Variants in HLCS observed in about 807,000 individuals in gnomAD.
The protein encoded by HLCS is biotin--protein ligase.
In HLCS, 53 loss-of-function variants were observed where a neutral mutation model predicts 75.0. That is an observed-to-expected ratio of 0.71 (90% confidence interval 0.57 to 0.89). The LOEUF (loss-of-function observed/expected upper bound fraction) is 0.89. Ranked by LOEUF, HLCS falls within the 40% of genes least tolerant of loss-of-function variation. HLCS has a pLI of 0.00. For synonymous variants in HLCS, 431 were observed against 428.6 expected (o/e 1.01, Z -0.07); for missense variants, 966 against 1,074.0 (o/e 0.90, Z 1.41).
At chr21:36,947,447 C>T (rs2067458948) in intron 2 of HLCS, 2 of 985,254 alleles carry the variant, frequency 2.0e-6, no homozygotes, top group Non-Finnish European at 1.2e-6. Context: ...ACTGATACGT[C>T]GTCCAGGGTG....
At chr21:36,924,297 T>C (rs2850119) in intron 5 of HLCS, among the ~76,000 whole-genome samples, 142,744 of 152,302 alleles carry the variant, frequency 0.94, 66,992 homozygotes, top group East Asian at 1. Flanking sequence ...CAGTGGCTCA[T>C]GCCTGTAATC....
Position 36,983,071 on chromosome 21 carries a change from G to C in HLCS, c.-393+7087C>G, listed in dbSNP as rs969060542. 3.9e-5 allele frequency among the ~76,000 whole-genome samples: 6 copies of C among 152,200 alleles called. No homozygotes were observed. In the South Asian group the frequency reaches 1.2e-3, roughly 32 times the overall value. On this transcript the variant is annotated intron_variant, in intron 1 of 11. Coordinates refer to the HLCS transcript ENST00000336648. The stretch of plus-strand genomic sequence containing the variant: ...AAAACAAAAACAAAAAAACTCTGGC[G>C]TAAGCATGGTGTGGAGAGTGTCTGC...
At chr21:36,909,419 T>C (rs1356525833) in intron 5 of HLCS, among the ~76,000 whole-genome samples, 1 of 152,176 alleles carries the variant, frequency 6.6e-6, no homozygotes, top group Non-Finnish European at 1.5e-5. Flanking sequence ...GACTCCATAT[T>C]CACTAACGTC....
At chr21:36,955,523 A>G (rs1164053781) in intron 2 of HLCS, among the ~76,000 whole-genome samples, 1 of 124,938 alleles carries the variant, frequency 8.0e-6, no homozygotes, top group African/African-American at 2.9e-5. Flanking sequence ...AGCTTTTAGA[A>G]TAAGGATAGA....
At chr21:36,879,340 C>T (rs922341981) in intron 6 of HLCS, among the ~76,000 whole-genome samples, 4 of 152,088 alleles carry the variant, frequency 2.6e-5, no homozygotes, top group African/African-American at 9.7e-5. Flanking sequence ...AGGAAATCAC[C>T]AGCAATGACA....
At chr21:36,887,629 G>C (rs971852663) in intron 6 of HLCS, among the ~76,000 whole-genome samples, 2 of 152,192 alleles carry the variant, frequency 1.3e-5, no homozygotes, top group Non-Finnish European at 2.9e-5. Context: ...CGTTGCCAAA[G>C]TCAAAGGCCA....
At chr21:36,908,085 GA>G (rs955637242) in intron 5 of HLCS, among the ~76,000 whole-genome samples, 26 of 140,886 alleles carry the variant, frequency 1.8e-4, no homozygotes, top group Admixed American at 4.9e-4. Context: ...AAAAGAAAAA[GA>G]AAAAAAAAAA....
At chr21:36,848,269 TTG>T (rs2062865162) in intron 6 of HLCS, among the ~76,000 whole-genome samples, 2 of 134,298 alleles carry the variant, frequency 1.5e-5, no homozygotes, top group African/African-American at 3.0e-5. Context: ...CACATAATTG[TTG>T]TTTTTTTTTT....
chr21:36,774,461 T>C (rs762073582), intron 6 of HLCS, among the ~76,000 whole-genome samples: 1 of 152,110 alleles, frequency 6.6e-6, no homozygotes, highest in Non-Finnish European at 1.5e-5. Flanking sequence ...AAATGAAATA[T>C]GATGGAATTT....
At chr21:36,952,789 C>CAAAA (rs35700333) in intron 2 of HLCS, among the ~76,000 whole-genome samples, 12 of 48,790 alleles carry the variant, frequency 2.5e-4, no homozygotes, top group South Asian at 7.2e-4. Context: ...GACTCCGTCT[C>CAAAA]AAAAAAAAAA....
At position 36,890,773 on chromosome 21, in the gene HLCS, A is replaced by C. The variant is rs189209803; in HGVS notation, c.1892+6087T>G. 7.2e-5 allele frequency among the ~76,000 whole-genome samples: 11 copies of C among 152,326 alleles called. No individual in the cohort carries two copies. The East Asian group carries it at 2.1e-3, about 29-fold the overall frequency. On this transcript the variant is annotated intron_variant, in intron 6 of 10. Transcript: ENST00000674895. Reference sequence around the variant, plus strand: ...TCCTAGATGTGTAAACACCTAAAAAAAATTCCTCTAATTACCTTGAGTAAG... The same window carrying C: ...TCCTAGATGTGTAAACACCTAAAAACAATTCCTCTAATTACCTTGAGTAAG...
At chr21:36,857,516 T>C (rs753581221) in intron 6 of HLCS, among the ~76,000 whole-genome samples, 2 of 152,204 alleles carry the variant, frequency 1.3e-5, no homozygotes, top group African/African-American at 4.8e-5. Flanking sequence ...AGGTTACCAA[T>C]GATACCAGCA....
intron 6 of HLCS, among the ~76,000 whole-genome samples, chr21:36,826,833 A>G (rs1245136688): frequency 6.6e-6 from 1 of 152,248 alleles, no homozygotes; most frequent in Non-Finnish European, 1.5e-5. Context: ...ACTGCCTCCC[A>G]GTAAAAGTTT....
At chr21:36,970,548 T>C (rs2068756002), upstream of HLCS, among the ~76,000 whole-genome samples, 2 of 152,146 alleles carry the variant, frequency 1.3e-5, no homozygotes, top group Admixed American at 1.3e-4. Context: ...TTATATTTTT[T>C]TGTAGAGACA....
At chr21:36,779,553 C>T (rs2060465693) in intron 6 of HLCS, among the ~76,000 whole-genome samples, 1 of 152,140 alleles carries the variant, frequency 6.6e-6, no homozygotes, top group African/African-American at 2.4e-5. Context: ...TGCTCAATGC[C>T]ATAATACACA....
intron 10 of HLCS, 38 bp downstream of exon 10, chr21:36,756,503 TA>T: frequency 1.7e-6 from 1 of 576,480 alleles, no homozygotes; most frequent in Non-Finnish European, 3.2e-6. Context: ...AAGATACTAA[TA>T]AAGGAGTTGA....
Position 36,750,193 on chromosome 21 carries a change from C to G in HLCS, c.*4053G>C, listed in dbSNP as rs1436390344. Among the ~76,000 whole-genome samples the G allele has an allele frequency of 6.6e-6, 1 of 152,112 alleles. No homozygotes were observed. The highest frequency in any genetic ancestry group is 1.5e-5 in the Non-Finnish European group (1 of 68,020). ...GAGGCTCCGGCAGGGGAAGAGGAAG[C>G]ATTTTAATACATATGCCTCTCTTTT... On this transcript the variant is annotated 3_prime_UTR_variant, in exon 11 of 11. Coordinates refer to ENST00000674895, the MANE Select transcript of HLCS (RefSeq NM_001352514.2).
intron 6 of HLCS, among the ~76,000 whole-genome samples, chr21:36,817,310 C>T (rs544251099): frequency 2.8e-4 from 43 of 152,256 alleles, no homozygotes; most frequent in African/African-American, 9.9e-4. Context: ...TTTCTCTGTT[C>T]TTCCCTGTAA....
rs140787983 is a variant in HLCS at position 36,797,727 on chromosome 21, G to A, written c.1893-30442C>T. The stretch of plus-strand genomic sequence containing the variant: ...ATTGAGAAGGCTAATGGAGAGAGCC[G>A]TTAGCGTAGGATGCAATGGTTTGCA... On this transcript the variant is annotated intron_variant, in intron 6 of 10. Transcript: ENST00000674895. 3.7e-3 allele frequency among the ~76,000 whole-genome samples: 568 copies of A among 152,352 alleles called. 2 individuals carry two copies. The highest frequency in any genetic ancestry group is 0.013 in the African/African-American group (521 of 41,578).
Sources: gnomAD v4.1 joint callset for allele counts (sites outside exome capture counted in the v4.1 genomes callset) on GRCh38, gnomAD v4.1.1 for gene constraint, MANE v1.5 for transcripts, NCBI Gene and HGNC (gene_info 2026-07-23, HGNC 2026-07-21) for gene names.